C1orf87: variants seen among roughly 807,000 people sequenced by gnomAD.
C1orf87 encodes the protein chromosome 1 open reading frame 87.
In C1orf87, 58 loss-of-function variants were observed where a neutral mutation model predicts 60.5. The ratio of observed to expected loss-of-function variants is 0.96; its 90% confidence interval spans 0.78 to 1.19. C1orf87 has a LOEUF of 1.19. Among genes scored for constraint, C1orf87 ranks in the 50% most tolerant of loss-of-function variants. The pLI, the probability that C1orf87 is intolerant of heterozygous loss-of-function variation, is 0.00. For synonymous variants in C1orf87, 236 were observed against 227.4 expected, an observed-to-expected ratio of 1.04 and a Z score of -0.34; for missense variants, 673 against 638.6, an observed-to-expected ratio of 1.05 and a Z score of -0.58.
Position 60,041,047 on chromosome 1 carries a change from T to G in C1orf87, c.427A>C (p.Lys143Gln). 6.2e-7 allele frequency: 1 copy of G among 1,613,590 alleles called. No individual in the cohort carries two copies. The highest frequency in any genetic ancestry group is 1.1e-5 in the South Asian group (1 of 90,996). ...LSYVHGIPRR[K>Q]LRDWSLEQMV... The stretch of plus-strand genomic sequence containing the variant: ...TGTTCCAAGGACCAGTCTCTAAGCT[T>G]TCTCCTGGGAATGCCATGCACATAG... The change falls in exon 4 of 12, where the codon AAG (lysine) becomes CAG (glutamine). Residue 143 changes from lysine (K) to glutamine (Q), a missense_variant. By Grantham distance (53) the Lys-to-Gln change is moderately conservative. Coordinates refer to ENST00000371201, the MANE Select transcript of C1orf87 (RefSeq NM_152377.3).
chr1:60,008,795 C>T (rs1324972932), intron 9 of C1orf87: 3 of 427,218 alleles, frequency 7.0e-6, no homozygotes, highest in South Asian at 1.7e-5. Context: ...GATCCAAGTG[C>T]AGCCACCTTC....
intron 9 of C1orf87, among the ~76,000 whole-genome samples, chr1:60,005,563 G>A (rs1410348347): frequency 6.6e-6 from 1 of 152,100 alleles, no homozygotes; most frequent in African/African-American, 2.4e-5. Flanking sequence ...AGAAACAAGA[G>A]AGCAAGCTGT....
intron 2 of C1orf87, among the ~76,000 whole-genome samples, chr1:60,067,463 C>T (rs1645554671): frequency 6.6e-6 from 1 of 151,714 alleles, no homozygotes; most frequent in Admixed American, 6.6e-5. Context: ...CCTCTAATGA[C>T]CAGAGATGGT....
intron 11 of C1orf87, among the ~76,000 whole-genome samples, chr1:59,993,779 A>G (rs1574289666): frequency 8.2e-6 from 1 of 122,658 alleles, no homozygotes. Flanking sequence ...TTTTTTTGAG[A>G]TGGAGTTTTG....
chr1:60,008,500 A>T (rs1025539769), intron 9 of C1orf87: 1 of 230,104 alleles, frequency 4.3e-6, no homozygotes, highest in Non-Finnish European at 9.0e-6. Flanking sequence ...GCCTTTAAAG[A>T]GGTGATTAAG....
At chr1:60,049,157 A>C (rs1645394671) in intron 3 of C1orf87, among the ~76,000 whole-genome samples, 1 of 152,054 alleles carries the variant, frequency 6.6e-6, no homozygotes, top group Admixed American at 6.6e-5. Flanking sequence ...AATTACTGTC[A>C]ATTTTTCTTC....
At chr1:60,038,869 C>T (rs79684253) in intron 5 of C1orf87, among the ~76,000 whole-genome samples, 234 of 152,286 alleles carry the variant, frequency 1.5e-3, no homozygotes, top group Admixed American at 6.1e-3. Context: ...GGTGGACAGA[C>T]AGCTCCAGGG....
intron 11 of C1orf87, among the ~76,000 whole-genome samples, chr1:59,994,940 C>A (rs1644952616): frequency 6.6e-6 from 1 of 152,168 alleles, no homozygotes; most frequent in African/African-American, 2.4e-5. Flanking sequence ...CTCAGTTAAT[C>A]CTCTTTCCTC....
At chr1:59,993,153 C>T (rs1034868484) in intron 11 of C1orf87, among the ~76,000 whole-genome samples, 1 of 152,020 alleles carries the variant, frequency 6.6e-6, no homozygotes, top group African/African-American at 2.4e-5. Flanking sequence ...CCTGGGAGGT[C>T]GAGGCTGCAG....
chr1:60,004,225 C>T (rs761765220), intron 9 of C1orf87, among the ~76,000 whole-genome samples: 8 of 152,046 alleles, frequency 5.3e-5, no homozygotes, highest in African/African-American at 1.9e-4. Context: ...CAGCTTCAAG[C>T]TTTTGGATCT....
intron 7 of C1orf87, among the ~76,000 whole-genome samples, chr1:60,027,831 A>AAGAGC (rs1384411352): frequency 2.0e-5 from 3 of 152,168 alleles, no homozygotes; most frequent in Non-Finnish European, 4.4e-5. Flanking sequence ...ATGGGGGAGA[A>AAGAGC]AGAGCACGGT....
chr1:60,032,569 C>T (rs1645246920), intron 7 of C1orf87, among the ~76,000 whole-genome samples: 1 of 150,688 alleles, frequency 6.6e-6, no homozygotes, highest in South Asian at 2.1e-4. Context: ...TCCTGAGTGG[C>T]TGGGATTACA....
At chr1:60,070,572 G>T (rs995749431) in intron 2 of C1orf87, among the ~76,000 whole-genome samples, 15 of 152,022 alleles carry the variant, frequency 9.9e-5, no homozygotes, top group African/African-American at 3.6e-4. Context: ...AAACATAGAA[G>T]AATATTTTAG....
chr1:60,050,131 G>T (rs1363002893), intron 3 of C1orf87, among the ~76,000 whole-genome samples: 1 of 151,868 alleles, frequency 6.6e-6, no homozygotes, highest in African/African-American at 2.4e-5. Context: ...AATCAATTTG[G>T]CTAGTTGTAA....
At chr1:59,997,323 T>A (rs1306806877) in intron 11 of C1orf87, among the ~76,000 whole-genome samples, 1 of 152,126 alleles carries the variant, frequency 6.6e-6, no homozygotes, top group Non-Finnish European at 1.5e-5. Context: ...CAGTGGGGTA[T>A]CTCTGAGGTA....
At chr1:60,007,677 A>G (rs1270522782) in intron 9 of C1orf87, among the ~76,000 whole-genome samples, 1 of 152,010 alleles carries the variant, frequency 6.6e-6, no homozygotes, top group Non-Finnish European at 1.5e-5. Context: ...TCTTCTAGTT[A>G]TTCTTGCCAG....
intron 7 of C1orf87, among the ~76,000 whole-genome samples, chr1:60,030,818 A>G (rs2100283555): frequency 6.6e-6 from 1 of 152,344 alleles, no homozygotes; most frequent in Non-Finnish European, 1.5e-5. Context: ...AAGGTATGCT[A>G]GAGGAACAGG....
intron 8 of C1orf87, among the ~76,000 whole-genome samples, chr1:60,019,161 C>T (rs915946199): frequency 1.3e-5 from 2 of 152,164 alleles, no homozygotes; most frequent in Non-Finnish European, 2.9e-5. Flanking sequence ...GGCCTGGTGG[C>T]AGGTGATTGG....
intron 2 of C1orf87, among the ~76,000 whole-genome samples, chr1:60,057,052 C>T (rs1194912872): frequency 6.6e-6 from 1 of 152,112 alleles, no homozygotes; most frequent in Non-Finnish European, 1.5e-5. Context: ...TAGGAAAAAA[C>T]TCTGATGGAT....
Sources: allele counts gnomAD v4.1 joint callset (sites outside exome capture counted in the v4.1 genomes callset), GRCh38; gene constraint gnomAD v4.1.1; transcripts MANE v1.5; gene names NCBI Gene and HGNC (gene_info 2026-07-23, HGNC 2026-07-21).